The following GLIS3 variants were observed in gnomAD, a reference collection of about 807,000 sequenced individuals.
The protein encoded by GLIS3 is zinc finger protein GLIS3.
A neutral mutation model predicts 78.6 loss-of-function variants in GLIS3; 53 were observed. The observed-to-expected ratio is 0.67, with a 90% CI of 0.54 to 0.85. The LOEUF is 0.85. Ranked by LOEUF, GLIS3 falls within the 40% of genes least tolerant of loss-of-function variation. The pLI, the probability that GLIS3 is intolerant of heterozygous loss-of-function variation, is 0.00. For synonymous variants in GLIS3, 684 were observed against 509.9 expected (o/e 1.34, Z -4.60); for missense variants, 1,703 against 1,231.1 (o/e 1.38, Z -5.74).
chr9:4,206,304 G>A (rs1393578754), intron 2 of GLIS3, among the ~76,000 whole-genome samples: 1 of 152,238 alleles, frequency 6.6e-6, no homozygotes, highest in Non-Finnish European at 1.5e-5. Context: ...CAGAGAGGCT[G>A]TAATGAGGGT....
At chr9:4,466,540 A>T in the GLIS3 span, among the ~76,000 whole-genome samples, 1 of 152,332 alleles carries the variant, frequency 6.6e-6, no homozygotes, top group South Asian at 2.1e-4. Context: ...AAATTTTTTT[A>T]AATGTTAGCA....
chr9:4,416,822 T>TTG, the GLIS3 span, among the ~76,000 whole-genome samples: 7 of 147,008 alleles, frequency 4.8e-5, no homozygotes, highest in South Asian at 4.4e-4. Flanking sequence ...GTTTTTTTTT[T>TTG]TTTTTTTTTT....
chr9:4,075,989 C>G (rs887715358), intron 4 of GLIS3, among the ~76,000 whole-genome samples: 1 of 152,074 alleles, frequency 6.6e-6, no homozygotes, highest in Non-Finnish European at 1.5e-5. Flanking sequence ...GAACACCTCA[C>G]GAAGAAAAAA....
intron 4 of GLIS3, among the ~76,000 whole-genome samples, chr9:4,060,036 C>T (rs1826514581): frequency 1.3e-5 from 2 of 152,160 alleles, no homozygotes; most frequent in South Asian, 4.1e-4. Context: ...ATGCATCCTT[C>T]CTCCTGGAAC....
chr9:4,222,095 G>T (rs567090480), intron 2 of GLIS3, among the ~76,000 whole-genome samples: 45 of 152,268 alleles, frequency 3.0e-4, no homozygotes, highest in African/African-American at 1.1e-3. Flanking sequence ...CATTCATGCT[G>T]CCAGTAACAC....
intron 7 of GLIS3, among the ~76,000 whole-genome samples, chr9:3,894,751 C>G (rs1822704421): frequency 6.6e-6 from 1 of 151,550 alleles, no homozygotes; most frequent in Non-Finnish European, 1.5e-5. Context: ...TCTAAGGTTA[C>G]ATTCAAAATT....
intron 9 of GLIS3, among the ~76,000 whole-genome samples, chr9:3,842,569 G>C (rs1224829094): frequency 6.6e-6 from 1 of 152,118 alleles, no homozygotes; most frequent in Non-Finnish European, 1.5e-5. Context: ...TCTCCGACTG[G>C]GGAGCCACGG....
At chr9:4,431,522 G>A in the GLIS3 span, among the ~76,000 whole-genome samples, 1 of 152,152 alleles carries the variant, frequency 6.6e-6, no homozygotes. Flanking sequence ...CATACTCTTA[G>A]TCCAGAGGCT....
intron 4 of GLIS3, among the ~76,000 whole-genome samples, chr9:3,944,993 C>T (rs1816194630): frequency 6.6e-6 from 1 of 152,218 alleles, no homozygotes; most frequent in Admixed American, 6.5e-5. Flanking sequence ...ACAACTGATG[C>T]AGTCCCACTA....
intron 2 of GLIS3, among the ~76,000 whole-genome samples, chr9:4,211,944 A>G (rs980201139): frequency 2.0e-5 from 3 of 152,248 alleles, no homozygotes; most frequent in African/African-American, 4.8e-5. Flanking sequence ...GTGTTATTCC[A>G]ATTGTATGAA....
chr9:4,244,822 C>T (rs769078039), intron 2 of GLIS3, among the ~76,000 whole-genome samples: 2 of 152,112 alleles, frequency 1.3e-5, no homozygotes, highest in Non-Finnish European at 2.9e-5. Flanking sequence ...GTGATCCACC[C>T]GCCTCAGCCT....
intron 7 of GLIS3, among the ~76,000 whole-genome samples, chr9:3,893,293 C>G (rs1271415738): frequency 6.6e-6 from 1 of 152,140 alleles, no homozygotes. Flanking sequence ...TCAGCTTAAT[C>G]TTGCATGAAA....
intron 4 of GLIS3, among the ~76,000 whole-genome samples, chr9:4,004,402 C>A (rs553258439): frequency 2.6e-5 from 4 of 152,200 alleles, no homozygotes; most frequent in East Asian, 3.9e-4. Flanking sequence ...AATCCCTCTA[C>A]AAATACCAAA....
the GLIS3 span, among the ~76,000 whole-genome samples, chr9:4,388,371 G>C: frequency 1.3e-5 from 2 of 152,046 alleles, no homozygotes; most frequent in East Asian, 1.9e-4. Context: ...TTACCTCCAG[G>C]GTTTATCTTA....
the GLIS3 span, among the ~76,000 whole-genome samples, chr9:4,448,980 G>A: frequency 6.6e-6 from 1 of 152,204 alleles, no homozygotes; most frequent in African/African-American, 2.4e-5. Flanking sequence ...GACAGTGGGT[G>A]CAGCCTATGG....
chr9:3,849,908 CAA>C (rs574534035), intron 9 of GLIS3, among the ~76,000 whole-genome samples: 1 of 138,504 alleles, frequency 7.2e-6, no homozygotes, highest in Non-Finnish European at 1.6e-5. Context: ...GACTCCATCT[CAA>C]AAAAAAAAAA....
At chr9:4,032,145 G>A (rs1180726667) in intron 4 of GLIS3, among the ~76,000 whole-genome samples, 2 of 152,196 alleles carry the variant, frequency 1.3e-5, no homozygotes, top group African/African-American at 4.8e-5. Context: ...CTTCAGTCCT[G>A]TGCAGACTGC....
At chr9:3,874,104 C>T (rs565457395) in intron 8 of GLIS3, among the ~76,000 whole-genome samples, 14 of 151,970 alleles carry the variant, frequency 9.2e-5, no homozygotes, top group Non-Finnish European at 2.1e-4. Context: ...CAGCCTCTGG[C>T]TGCCTGAAAG....
intron 2 of GLIS3, among the ~76,000 whole-genome samples, chr9:4,165,749 G>A (rs926114654): frequency 2.6e-5 from 4 of 152,242 alleles, no homozygotes; most frequent in African/African-American, 9.6e-5. Context: ...AGTTGGAAAG[G>A]AGAGCCTAGA....
Sources: allele counts gnomAD v4.1 joint callset (sites outside exome capture counted in the v4.1 genomes callset), GRCh38; gene constraint gnomAD v4.1.1; transcripts MANE v1.5; gene names NCBI Gene and HGNC (gene_info 2026-07-23, HGNC 2026-07-21).